MAX: variants seen among roughly 807,000 people sequenced by gnomAD.
The protein encoded by MAX is MYC associated transcriptional regulator X, also known as protein max.
MAX carries 3 observed loss-of-function variants against 22.3 expected under a neutral mutation model. The ratio of observed to expected loss-of-function variants is 0.13; its 90% CI spans 0.06 to 0.35. The LOEUF is 0.35. MAX is among the 10% of genes least tolerant of loss of function. The pLI is 1.00. For missense variants in MAX, 119 were observed against 209.4 expected (o/e 0.57, Z 2.66); for synonymous variants, 72 against 77.7 (o/e 0.93, Z 0.39).
intron 3 of MAX, among the ~76,000 whole-genome samples, chr14:65,051,726 C>T (rs1201171322): frequency 6.6e-6 from 1 of 150,886 alleles, no homozygotes; most frequent in Non-Finnish European, 1.5e-5. Context: ...CCCCGTTTTT[C>T]TTTTTTGCTA....
Position 65,011,193 on chromosome 14 carries a change from C to G in MAX, c.172-4909G>C, listed in dbSNP as rs113731915. On this transcript the variant is annotated intron_variant, in intron 3 of 3. Transcript: ENST00000341653. This position sits in a 1 kb window ranked among gnomAD's most constrained non-coding sequence, Gnocchi z 4.0. ...CCTGTAATCCCAGCATTTTGGGAGG[C>G]CAAGGCAGGGGATTACCTGAGGTCA... Among the ~76,000 whole-genome samples the G allele has an allele frequency of 0.01, 1,576 of 152,266 alleles. 26 individuals carry two copies. The highest frequency in any genetic ancestry group is 0.08 in the East Asian group (415 of 5,176).
intron 3 of MAX, among the ~76,000 whole-genome samples, chr14:65,083,582 G>T (rs1221237513): frequency 6.6e-6 from 1 of 152,108 alleles, no homozygotes; most frequent in Non-Finnish European, 1.5e-5. Flanking sequence ...CCTTCCCTAG[G>T]GTCCCAATGC....
At chr14:65,056,001 CCTT>C (rs1401707222) in intron 3 of MAX, among the ~76,000 whole-genome samples, 1 of 152,164 alleles carries the variant, frequency 6.6e-6, no homozygotes, top group African/African-American at 2.4e-5. Flanking sequence ...TTTCCTCCCT[CCTT>C]CTCCAGAGGT....
chr14:65,038,905 C>G (rs987022221), intron 3 of MAX, among the ~76,000 whole-genome samples: 1 of 152,104 alleles, frequency 6.6e-6, no homozygotes, highest in African/African-American at 2.4e-5. Flanking sequence ...TTTATCTACT[C>G]TCTTGTTCTT....
rs372112957 is a variant in MAX at position 65,030,924 on chromosome 14, C to T, written c.172-24640G>A. 4.6e-5 allele frequency among the ~76,000 whole-genome samples: 7 copies of T among 152,152 alleles called. No homozygotes were observed. Among genetic ancestry groups the T allele is most frequent in the East Asian group, 3.9e-4 (2 of 5,174 alleles). On this transcript the variant is annotated intron_variant, in intron 3 of 3. Transcript: ENST00000341653. This position sits in a 1 kb window ranked among gnomAD's most constrained non-coding sequence, Gnocchi z 4.5. ...TGGGGTTCAAACGATTCTCCTGCCT[C>T]GGTCTCCCAAGTAGCTGGGATTACA...
At position 65,093,684 on chromosome 14, in the gene MAX, A is replaced by G. The variant is rs370989397; in HGVS notation, c.171+24T>C. On this transcript the variant is annotated intron_variant, in intron 3 of 4. Coordinates refer to ENST00000358664, the MANE Select transcript of MAX (RefSeq NM_002382.5). The surrounding 1 kb of genome is among the most constrained non-coding windows in gnomAD (Gnocchi z 4.4). ...AGTTCCAAGCTAGTAGTGGCCAGCT[A>G]CTCAGCTTTCTCAGGAAACTCACCT... 1 of 1,273,068 alleles carries G rather than the reference A, an allele frequency of 7.9e-7. No homozygotes were observed. The highest frequency in any genetic ancestry group is 1.2e-6 in the Non-Finnish European group (1 of 868,324). The allele number at this position is 1,273,068 out of a possible 1,614,324, so 78.9% of individuals were successfully genotyped here.
rs1411220212 is a variant in MAX at position 65,070,104 on chromosome 14, G to C, written c.171+23604C>G. ...CCAGGCTGCCAGCCGGATTCCGGATGAGTGACTGGGGGTGCATGCCCATTG... is the reference window on the plus strand; with the variant it reads ...CCAGGCTGCCAGCCGGATTCCGGATCAGTGACTGGGGGTGCATGCCCATTG... On this transcript the variant is annotated intron_variant, in intron 3 of 3. Coordinates refer to the MAX transcript ENST00000341653. This position sits in a 1 kb window ranked among gnomAD's most constrained non-coding sequence, Gnocchi z 4.4. Among the ~76,000 whole-genome samples the C allele has an allele frequency of 6.6e-6, 1 of 152,220 alleles. No individual in the cohort carries two copies. The highest frequency in any genetic ancestry group is 2.4e-5 in the African/African-American group (1 of 41,462).
At position 65,022,490 on chromosome 14, in the gene MAX, TG is replaced by T. The variant is rs566004747; in HGVS notation, c.172-16207del. ...CCTTTGTATATTTGAGGTATTTTGC[TG>T]GGTAGCTTTCTCACTGTGATTGTCT... On this transcript the variant is annotated intron_variant, in intron 3 of 3. Coordinates refer to the MAX transcript ENST00000341653. Among the ~76,000 whole-genome samples, 141 of 152,288 alleles carry T rather than the reference TG, an allele frequency of 9.3e-4. 8 individuals are homozygous for T. The South Asian group carries it at 0.024, about 26-fold the overall frequency.
At position 65,030,996 on chromosome 14, in the gene MAX, C is replaced by T. The variant is rs904973230; in HGVS notation, c.172-24712G>A. 6.6e-6 allele frequency among the ~76,000 whole-genome samples: 1 copy of T among 151,696 alleles called. No individual in the cohort carries two copies. The highest frequency in any genetic ancestry group is 1.5e-5 in the Non-Finnish European group (1 of 67,928). ...CTAATTTTTGTATTTTTAGTAGAGA[C>T]GAGGTCTCACCATGTTGGCCAGGCT... On this transcript the variant is annotated intron_variant, in intron 3 of 3. Coordinates refer to the MAX transcript ENST00000341653. This position sits in a 1 kb window ranked among gnomAD's most constrained non-coding sequence, Gnocchi z 4.5.
In MAX at chr14:65,093,737, C is replaced by T. The variant is rs2139883514; in HGVS notation, c.142G>A (p.Asp48Asn). ...TCTCCTTGGAGTGATGGGACTGAGT[C>T]CCGCAAACTGTGAAAGCTGTCTTTG... ...HIKDSFHSLRDSVPSLQGEKA... is the reference protein window; with the variant it reads ...HIKDSFHSLRNSVPSLQGEKA... The change falls in exon 3 of 5, where the codon GAC (aspartate) becomes AAC (asparagine). Residue 48 changes from aspartate (D) to asparagine (N), a missense_variant. Asp to Asn is a conservative substitution (Grantham distance 23). Coordinates refer to ENST00000358664, the MANE Select transcript of MAX (RefSeq NM_002382.5). This position sits in a 1 kb window ranked among gnomAD's most constrained non-coding sequence, Gnocchi z 4.4. The T allele has an allele frequency of 2.5e-6, 4 of 1,610,216 alleles. No homozygotes were observed. The highest frequency in any genetic ancestry group is 3.4e-6 in the Non-Finnish European group (4 of 1,176,374).
Position 65,044,654 on chromosome 14 carries a change from A to G in MAX, c.172-38370T>C. 1.3e-6 allele frequency: 1 copy of G among 746,548 alleles called. No homozygotes were observed. Among genetic ancestry groups the G allele is most frequent in the East Asian group, 3.4e-5 (1 of 29,364 alleles). The allele number at this position is 746,548 out of a possible 1,614,324, so 46.2% of individuals were successfully genotyped here. On this transcript the variant is annotated intron_variant, in intron 3 of 3. Transcript: ENST00000341653. This position sits in a 1 kb window ranked among gnomAD's most constrained non-coding sequence, Gnocchi z 5.5. Reference sequence around the variant, plus strand: ...TTTAGTGTCATTCTTTGCTTCTTCAAATTGGCTGCGACAGAATGAGCTTCC... The same window carrying G: ...TTTAGTGTCATTCTTTGCTTCTTCAGATTGGCTGCGACAGAATGAGCTTCC...
downstream of MAX, among the ~76,000 whole-genome samples, chr14:65,071,127 G>C (rs1340762768): frequency 6.6e-6 from 1 of 151,862 alleles, no homozygotes; most frequent in East Asian, 1.9e-4. This position sits in a 1 kb window ranked among gnomAD's most constrained non-coding sequence, Gnocchi z 4.2. Context: ...CAGCGAAAAG[G>C]AGAGTTTATT....
chr14:65,027,451 A>G lies in MAX; in HGVS notation c.172-21167T>C. On this transcript the variant is annotated intron_variant, in intron 3 of 3. Transcript: ENST00000341653. This position sits in a 1 kb window ranked among gnomAD's most constrained non-coding sequence, Gnocchi z 5.7. ...GTTTTTGCCCTTTGGCTGTGTACCT[A>G]GTGTGTGTCAGTTCCTGGAGCTGTG... is the stretch of plus-strand genomic sequence containing the variant. The G allele has an allele frequency of 6.2e-7, 1 of 1,614,036 alleles. No homozygotes were observed. Among genetic ancestry groups the G allele is most frequent in the South Asian group, 1.1e-5 (1 of 91,064 alleles).
intron 3 of MAX, among the ~76,000 whole-genome samples, chr14:65,050,931 C>T (rs926044445): frequency 6.6e-6 from 1 of 152,112 alleles, no homozygotes; most frequent in Admixed American, 6.5e-5. Flanking sequence ...GAACTGGAAA[C>T]AACCTTGGAA....
At chr14:65,061,333 T>G in intron 3 of MAX, 1 of 1,612,980 alleles carries the variant, frequency 6.2e-7, no homozygotes. Flanking sequence ...TCCCGGCAGC[T>G]CTTTGCTCAC....
At chr14:65,041,484 C>T (rs773189921) in intron 3 of MAX, among the ~76,000 whole-genome samples, 11 of 152,268 alleles carry the variant, frequency 7.2e-5, no homozygotes, top group Middle Eastern at 3.4e-3. Context: ...TCAGTGGGTG[C>T]ACAAACACAC....
In MAX at chr14:65,030,327, C is replaced by T. The variant is rs1037366053; in HGVS notation, c.172-24043G>A. Among the ~76,000 whole-genome samples the T allele has an allele frequency of 1.3e-5, 2 of 152,208 alleles. No individual in the cohort carries two copies. Among genetic ancestry groups the T allele is most frequent in the African/African-American group, 4.8e-5 (2 of 41,444 alleles). On this transcript the variant is annotated intron_variant, in intron 3 of 3. Transcript: ENST00000341653. This position sits in a 1 kb window ranked among gnomAD's most constrained non-coding sequence, Gnocchi z 4.5. The stretch of plus-strand genomic sequence containing the variant: ...AATGCCTGCTGGTGGAACTAAACTT[C>T]CACTGTGCCTTTGGCTGCTAAAAAT...
At chr14:65,099,649 C>T (rs960838065) in intron 2 of MAX, among the ~76,000 whole-genome samples, 10 of 152,226 alleles carry the variant, frequency 6.6e-5, no homozygotes, top group African/African-American at 2.4e-4. Context: ...GATCCTTACC[C>T]TCCAGCTCTG....
Position 65,044,627 on chromosome 14 carries a change from G to T in MAX, c.172-38343C>A. The T allele has an allele frequency of 2.3e-6, 2 of 875,748 alleles. No individual in the cohort carries two copies. The highest frequency in any genetic ancestry group is 3.2e-6 in the Non-Finnish European group (2 of 618,028). The allele number at this position is 875,748 out of a possible 1,614,324, so 54.2% of individuals were successfully genotyped here. A position where few individuals can be genotyped will look rare whatever the true frequency, so the allele number is the denominator to read the frequency against. On this transcript the variant is annotated intron_variant, in intron 3 of 3. Coordinates refer to the MAX transcript ENST00000341653. The surrounding 1 kb of genome is among the most constrained non-coding windows in gnomAD (Gnocchi z 5.5). ...ATGCAGAGTAAGATTTAGTTTCATT[G>T]GTTTAGTGTCATTCTTTGCTTCTTC...
Sources: allele counts gnomAD v4.1 joint callset (sites outside exome capture counted in the v4.1 genomes callset), GRCh38; gene constraint gnomAD v4.1.1; non-coding constraint Gnocchi (gnomAD v3.1); transcripts MANE v1.5; gene names NCBI Gene and HGNC (gene_info 2026-07-23, HGNC 2026-07-21).